ABL2: variants seen among roughly 807,000 people sequenced by gnomAD.
ABL2 encodes the protein ABL proto-oncogene 2, non-receptor tyrosine kinase.
Under a neutral mutation model 107.7 loss-of-function variants are expected in ABL2, and 49 were observed. The ratio of observed to expected loss-of-function variants is 0.45; its 90% confidence interval spans 0.36 to 0.58. The LOEUF (loss-of-function observed/expected upper bound fraction) is 0.58, where lower values mean the gene tolerates loss of function less well. Ranked by LOEUF, ABL2 falls within the 20% of genes least tolerant of loss-of-function variation. The probability of loss-of-function intolerance (pLI) is 0.00; values close to 1 mark genes in which losing one functional copy is unlikely to be tolerated. For synonymous variants in ABL2, 549 were observed against 548.6 expected, an observed-to-expected ratio of 1.00 and a Z score of -0.01; for missense variants, 1,245 against 1,457.0, an observed-to-expected ratio of 0.85 and a Z score of 2.37.
At position 179,109,316 on chromosome 1, in the gene ABL2, C is replaced by A; in HGVS notation, c.1951G>T (p.Gly651Cys). Reference protein sequence around the residue: ...ETCFTRDRKGGFFSSFMKKRN... With the variant: ...ETCFTRDRKGCFFSSFMKKRN... Reference sequence around the variant, plus strand: ...TTCTTCATGAAGGAGCTGAAGAAGCCCCCCTTCCTATCCCTGGTGAAGCAT... The same window carrying A: ...TTCTTCATGAAGGAGCTGAAGAAGCACCCCTTCCTATCCCTGGTGAAGCAT... Residue 651 changes from glycine (G) to cysteine (C), a missense_variant, in exon 12 of 12, where the codon GGC becomes TGC. Coordinates refer to ENST00000502732, the MANE Select transcript of ABL2 (RefSeq NM_007314.4). The A allele has an allele frequency of 1.2e-6, 2 of 1,614,004 alleles. No individual in the cohort carries two copies. Among genetic ancestry groups the A allele is most frequent in the Non-Finnish European group, 1.7e-6 (2 of 1,179,978 alleles).
chr1:179,217,518 C>T (rs1187550303), intron 1 of ABL2, among the ~76,000 whole-genome samples: 2 of 150,246 alleles, frequency 1.3e-5, no homozygotes, highest in African/African-American at 2.5e-5. Flanking sequence ...CCCAGCTACT[C>T]GGGAGGCTGA....
chr1:179,108,346 C>T lies in ABL2; in HGVS notation c.2921G>A (p.Arg974Gln), dbSNP rs770065300. The part of the protein sequence containing the change: ...HQVTSSGDKD[R>Q]PRRVKPKCAP... ...ACACTTTGGTTTTACCCGTCGGGGTCGGTCCTTGTCTCCAGAGGATGTGAC... is the reference window on the plus strand; with the variant it reads ...ACACTTTGGTTTTACCCGTCGGGGTTGGTCCTTGTCTCCAGAGGATGTGAC... The change falls in exon 12 of 12, where the codon CGA becomes CAA. Residue 974 changes from arginine to glutamine, a missense_variant. Physicochemically the swap from Arg to Gln is conservative, Grantham distance 43. This residue lies in a region of ABL2 where 761 missense variants were observed against 766.4 expected (regional missense o/e 0.99). Coordinates refer to ENST00000502732, the MANE Select transcript of ABL2 (RefSeq NM_007314.4). 1.2e-5 allele frequency: 20 copies of T among 1,614,096 alleles called. No individual in the cohort carries two copies. In the Admixed American group the frequency reaches 1.5e-4, roughly 12 times the overall value.
Position 179,108,803 on chromosome 1 carries a change from G to T in ABL2, c.2464C>A (p.Pro822Thr). The T allele has an allele frequency of 6.2e-7, 1 of 1,614,116 alleles. No homozygotes were observed. The highest frequency in any genetic ancestry group is 8.5e-7 in the Non-Finnish European group (1 of 1,180,016). ...TTGGCCCTGTCCACATTCTCTTCTG[G>T]CTGAGAAGAGGTGGACACTGTCCTT... The part of the protein sequence containing the change: ...LERTVSTSSQ[P>T]EENVDRANDM... The change falls in exon 12 of 12, where the codon CCA becomes ACA. Residue 822 changes from proline to threonine, a missense_variant. Physicochemically the swap from Pro to Thr is conservative, Grantham distance 38 (BLOSUM62 -1). This residue lies in a region of ABL2 where 761 missense variants were observed against 766.4 expected (regional missense o/e 0.99). Transcript: ENST00000502732.
intron 1 of ABL2, among the ~76,000 whole-genome samples, chr1:179,203,659 T>C (rs778680910): frequency 2.0e-5 from 3 of 152,202 alleles, no homozygotes; most frequent in Non-Finnish European, 4.4e-5. Context: ...TAGCTTACAG[T>C]TAGGTCTCAG....
intron 1 of ABL2, among the ~76,000 whole-genome samples, chr1:179,189,295 C>T (rs1660864850): frequency 6.6e-6 from 1 of 151,988 alleles, no homozygotes; most frequent in African/African-American, 2.4e-5. Context: ...ACCACCACAG[C>T]CGGCTATTTT....
Position 179,157,705 on chromosome 1 carries a change from A to C in ABL2, c.158-24331T>G, listed in dbSNP as rs114592590. Among the ~76,000 whole-genome samples the C allele has an allele frequency of 6.9e-3, 965 of 138,874 alleles. 14 individuals are homozygous for C. The highest frequency in any genetic ancestry group is 0.022 in the African/African-American group (833 of 38,366). The allele number at this position is 138,874 out of a possible 152,430, so 91.1% of individuals were successfully genotyped here. On this transcript the variant is annotated intron_variant, in intron 1 of 11. Transcript: ENST00000502732. ...AGTTATCCAAAAGACAAATTACAGA[A>C]TCTTTTTTTTTTTTTTTGAGACAGA...
At chr1:179,189,808 G>C (rs1436956628) in intron 1 of ABL2, among the ~76,000 whole-genome samples, 1 of 151,816 alleles carries the variant, frequency 6.6e-6, no homozygotes, top group Non-Finnish European at 1.5e-5. Flanking sequence ...CACAAGCTGG[G>C]TGTCTTACCA....
chr1:179,112,505 C>T (rs1032263211), intron 9 of ABL2, 107 bp from the exon 10 acceptor site: 3 of 761,374 alleles, frequency 3.9e-6, no homozygotes, highest in Non-Finnish European at 6.4e-6. Context: ...TATTAAAGTA[C>T]AGTTACAGCA....
intron 1 of ABL2, among the ~76,000 whole-genome samples, chr1:179,197,719 A>C (rs1661401388): frequency 1.3e-5 from 2 of 152,034 alleles, no homozygotes; most frequent in African/African-American, 2.4e-5. Context: ...AAATACAAAA[A>C]TTAACCAGGC....
chr1:179,207,008 G>T (rs767086506), intron 1 of ABL2, among the ~76,000 whole-genome samples: 29 of 152,144 alleles, frequency 1.9e-4, no homozygotes, highest in Non-Finnish European at 3.5e-4. Context: ...AGAATATGCA[G>T]TCTTAATTTC....
intron 8 of ABL2, among the ~76,000 whole-genome samples, chr1:179,116,643 TG>T (rs1654659643): frequency 6.6e-6 from 1 of 151,442 alleles, no homozygotes; most frequent in Admixed American, 6.6e-5. Flanking sequence ...CCCAAGTAGC[TG>T]GGATTACAGG....
intron 3 of ABL2, among the ~76,000 whole-genome samples, chr1:179,128,237 C>T (rs1655930617): frequency 6.6e-6 from 1 of 151,746 alleles, no homozygotes; most frequent in African/African-American, 2.4e-5. Context: ...TACATATATA[C>T]ACCTATGGGT....
rs1663457017 is a variant in ABL2, at chr1:179,229,659, C to T, written c.-262G>A. 4 of 484,294 alleles carry T rather than the reference C, an allele frequency of 8.3e-6. No individual in the cohort carries two copies. The East Asian group carries it at 1.2e-4, about 14-fold the overall frequency. 30.0% of individuals were successfully genotyped at this position (484,294 alleles called of 1,614,324 possible). ...GCCGCCGCCGCCGCCGCCGCCACCG[C>T]CGCCGCCATCTTTAAACCACCGAGC... On this transcript the variant is annotated 5_prime_UTR_variant, in exon 1 of 12. Coordinates refer to ENST00000502732, the MANE Select transcript of ABL2 (RefSeq NM_007314.4).
chr1:179,213,766 A>C (rs750626844), intron 1 of ABL2, among the ~76,000 whole-genome samples: 2 of 151,744 alleles, frequency 1.3e-5, no homozygotes, highest in Non-Finnish European at 2.9e-5. Flanking sequence ...AACTGCCTGC[A>C]TGTATTACTG....
At chr1:179,114,229 C>T (rs1302123294) in intron 9 of ABL2, among the ~76,000 whole-genome samples, 2 of 151,470 alleles carry the variant, frequency 1.3e-5, no homozygotes, top group African/African-American at 2.4e-5. Context: ...GCATGGGCAA[C>T]ATAGTGAGAG....
At chr1:179,178,541 A>G (rs549605542) in intron 1 of ABL2, among the ~76,000 whole-genome samples, 1 of 152,266 alleles carries the variant, frequency 6.6e-6, no homozygotes, top group East Asian at 1.9e-4. Context: ...AACTAAAATT[A>G]GGAACAGAGA....
Position 179,118,983 on chromosome 1 carries a change from C to T in ABL2, c.1046-219G>A, listed in dbSNP as rs117425614. ...TATTGTTCTCTGGGAATTCATATGC[C>T]TCTGAGTATTTGTCTATTTGAGCAA... On this transcript the variant is annotated intron_variant, in intron 6 of 11. Coordinates refer to ENST00000502732, the MANE Select transcript of ABL2 (RefSeq NM_007314.4). Among the ~76,000 whole-genome samples the T allele has an allele frequency of 2.1e-4, 32 of 152,162 alleles. No homozygotes were observed. The East Asian group carries it at 6.2e-3, about 29-fold the overall frequency.
intron 1 of ABL2, among the ~76,000 whole-genome samples, chr1:179,142,019 T>C (rs929518243): frequency 1.1e-4 from 17 of 152,200 alleles, no homozygotes; most frequent in African/African-American, 3.4e-4. Flanking sequence ...ACTTTCCTCA[T>C]TGGTTAAGAC....
rs571649644 is a variant in ABL2 at position 179,223,050 on chromosome 1, C to T, written c.157+6191G>A. ...GCTTGAACCCAGGAGGAGGAGGTTG[C>T]AGTGAGCCAAGATCGCGCCACTGCA... On this transcript the variant is annotated intron_variant, in intron 1 of 11. Coordinates refer to ENST00000502732, the MANE Select transcript of ABL2 (RefSeq NM_007314.4). 9.2e-5 allele frequency among the ~76,000 whole-genome samples: 13 copies of T among 141,686 alleles called. No homozygotes were observed. The East Asian group carries it at 2.5e-3, about 28-fold the overall frequency. 93.0% of individuals were successfully genotyped at this position (141,686 alleles called of 152,430 possible).
Sources: allele counts gnomAD v4.1 joint callset (sites outside exome capture counted in the v4.1 genomes callset), GRCh38; gene constraint gnomAD v4.1.1; regional missense constraint gnomAD v4.1.1; transcripts MANE v1.5; gene names NCBI Gene and HGNC (gene_info 2026-07-23, HGNC 2026-07-21).